TMEM150C: variants seen among roughly 807,000 people sequenced by gnomAD.
The protein encoded by TMEM150C is tentonin 3.
In TMEM150C, 10 loss-of-function variants were observed where a neutral mutation model predicts 29.9. That is an observed-to-expected ratio of 0.33 (90% CI 0.21 to 0.57). TMEM150C has a LOEUF of 0.57. Among genes scored for constraint, TMEM150C ranks in the 20% least tolerant of loss-of-function variants. The probability of loss-of-function intolerance (pLI) is 0.88; values close to 1 mark genes in which losing one functional copy is unlikely to be tolerated. For missense variants in TMEM150C, 251 were observed against 303.6 expected (o/e 0.83, Z 1.29); for synonymous variants, 101 against 112.5 (o/e 0.90, Z 0.64).
At chr4:82,518,457 A>G (rs1294092371) in intron 1 of TMEM150C, among the ~76,000 whole-genome samples, 1 of 152,034 alleles carries the variant, frequency 6.6e-6, no homozygotes, top group Non-Finnish European at 1.5e-5. Flanking sequence ...GTCCTGGGCT[A>G]CCTCTATAGG....
At chr4:82,489,951 G>A (rs1282463510) in intron 7 of TMEM150C, 110 bp downstream of exon 7, 1 of 1,124,596 alleles carries the variant, frequency 8.9e-7, no homozygotes, top group Non-Finnish European at 1.3e-6. Context: ...TTTGCCTTAA[G>A]ATTCTGAGAA....
intron 1 of TMEM150C, among the ~76,000 whole-genome samples, chr4:82,519,410 TTTTCTTTC>T (rs369302297): frequency 6.6e-5 from 10 of 151,688 alleles, no homozygotes; most frequent in African/African-American, 1.7e-4. Context: ...TTCTCTTTCT[TTTTCTTTC>T]TTTCTTTCTT....
chr4:82,518,327 A>C (rs1724363415), intron 1 of TMEM150C, among the ~76,000 whole-genome samples: 1 of 151,882 alleles, frequency 6.6e-6, no homozygotes, highest in Admixed American at 6.6e-5. Flanking sequence ...AAAAAAAAAA[A>C]AGAAAGAAAG....
At chr4:82,544,778 A>AAAAAAAAAAAAC (rs1461689180) in intron 1 of TMEM150C, among the ~76,000 whole-genome samples, 1 of 152,114 alleles carries the variant, frequency 6.6e-6, no homozygotes, top group Non-Finnish European at 1.5e-5. Context: ...GACTATGCAA[A>AAAAAAAAAAAAC]AAAAAACTGA....
intron 1 of TMEM150C, among the ~76,000 whole-genome samples, chr4:82,513,319 C>T (rs941137366): frequency 2.0e-5 from 3 of 152,128 alleles, no homozygotes; most frequent in African/African-American, 7.2e-5. Context: ...GAACCTCCAG[C>T]AAACTCCAGC....
intron 1 of TMEM150C, among the ~76,000 whole-genome samples, chr4:82,539,550 T>G (rs946571262): frequency 2.6e-5 from 4 of 152,018 alleles, no homozygotes; most frequent in African/African-American, 9.7e-5. Flanking sequence ...CCTCCCGGGT[T>G]CACGCCATTC....
chr4:82,496,614 A>G (rs1218488907), intron 5 of TMEM150C, among the ~76,000 whole-genome samples: 2 of 152,226 alleles, frequency 1.3e-5, no homozygotes, highest in African/African-American at 4.8e-5. Context: ...TTGGCACACA[A>G]CAAATAAGAT....
chr4:82,561,349 G>T (rs965841845), intron 1 of TMEM150C, among the ~76,000 whole-genome samples: 2 of 152,234 alleles, frequency 1.3e-5, no homozygotes, highest in African/African-American at 4.8e-5. Flanking sequence ...CATTTAGAGT[G>T]GAGGGCGGTA....
At chr4:82,545,165 G>A (rs2110089547) in intron 1 of TMEM150C, among the ~76,000 whole-genome samples, 1 of 152,250 alleles carries the variant, frequency 6.6e-6, no homozygotes, top group African/African-American at 2.4e-5. Context: ...CTAGCAAATC[G>A]AATCCAGCAG....
At chr4:82,550,731 A>C (rs1408353078) in intron 1 of TMEM150C, among the ~76,000 whole-genome samples, 2 of 151,986 alleles carry the variant, frequency 1.3e-5, no homozygotes, top group Non-Finnish European at 2.9e-5. Flanking sequence ...CGGAGCTTGC[A>C]GTGAGCCGAG....
Position 82,485,464 on chromosome 4 carries a change from C to T in TMEM150C, c.*47G>A. ...TCCTGTGAGTGTGTCCTACTGGCCC[C>T]TCCCCCACTGTCACACCCACCTCAC... On this transcript the variant is annotated 3_prime_UTR_variant, in exon 8 of 8. Transcript: ENST00000449862. 1 of 1,463,984 alleles carries T rather than the reference C, an allele frequency of 6.8e-7. No individual in the cohort carries two copies. The highest frequency in any genetic ancestry group is 9.4e-7 in the Non-Finnish European group (1 of 1,066,776). The allele number at this position is 1,463,984 out of a possible 1,614,324, so 90.7% of individuals were successfully genotyped here.
chr4:82,518,228 AT>A (rs1210326492), intron 1 of TMEM150C, among the ~76,000 whole-genome samples: 4 of 151,902 alleles, frequency 2.6e-5, no homozygotes, highest in Non-Finnish European at 5.9e-5. Flanking sequence ...AGGCAGGAGA[AT>A]TGCTTGAACC....
At chr4:82,548,691 CA>C (rs1376154148) in intron 1 of TMEM150C, among the ~76,000 whole-genome samples, 6 of 152,156 alleles carry the variant, frequency 3.9e-5, no homozygotes, top group Admixed American at 3.3e-4. Flanking sequence ...GAAATTGGTA[CA>C]GGAAACCAGG....
chr4:82,501,330 CT>C (rs1723730184), intron 5 of TMEM150C, among the ~76,000 whole-genome samples: 1 of 152,034 alleles, frequency 6.6e-6, no homozygotes, highest in African/African-American at 2.4e-5. Flanking sequence ...CTTCTTGATA[CT>C]TGTGAATATC....
At chr4:82,523,039 A>G (rs1724536723) in intron 1 of TMEM150C, among the ~76,000 whole-genome samples, 1 of 152,124 alleles carries the variant, frequency 6.6e-6, no homozygotes, top group Admixed American at 6.5e-5. Context: ...CACATGAAGA[A>G]TCTTTGTCAG....
chr4:82,490,855 T>C (rs1375509724), intron 6 of TMEM150C: 12 of 672,252 alleles, frequency 1.8e-5, no homozygotes, highest in Non-Finnish European at 3.3e-5. Flanking sequence ...TCTTTAGCCT[T>C]TGCCTTTTTG....
rs560158984 is a variant in TMEM150C, at chr4:82,506,083, G to GT, written c.-10-1417dup. ...AGTTTTACAATTAAAACAAGTTGTT[G>GT]TTTTTTTTTTACAATTTTTTACAAT... On this transcript the variant is annotated intron_variant, in intron 1 of 7. Transcript: ENST00000449862. Among the ~76,000 whole-genome samples, 503 of 147,950 alleles carry GT rather than the reference G, an allele frequency of 3.4e-3. 1 individual carries two copies. The highest frequency in any genetic ancestry group is 0.014 in the East Asian group (69 of 5,082).
At chr4:82,538,081 CAG>C (rs1387911775) in intron 1 of TMEM150C, among the ~76,000 whole-genome samples, 3 of 152,134 alleles carry the variant, frequency 2.0e-5, no homozygotes, top group African/African-American at 7.2e-5. Flanking sequence ...TATTTTGAGA[CAG>C]AGTCTCGCTC....
chr4:82,511,020 G>A (rs985074151), intron 1 of TMEM150C, among the ~76,000 whole-genome samples: 1 of 152,126 alleles, frequency 6.6e-6, no homozygotes, highest in African/African-American at 2.4e-5. Flanking sequence ...ATATAAATCA[G>A]CCTGGGGAGA....
Sources: gnomAD v4.1 joint callset for allele counts (sites outside exome capture counted in the v4.1 genomes callset) on GRCh38, gnomAD v4.1.1 for gene constraint, MANE v1.5 for transcripts, NCBI Gene and HGNC (gene_info 2026-07-23, HGNC 2026-07-21) for gene names.